The following ZNF385B variants were observed in gnomAD, a reference collection of about 807,000 sequenced individuals.
ZNF385B encodes zinc finger protein 533.
A neutral mutation model predicts 39.2 loss-of-function variants in ZNF385B; 23 were observed. That is an observed-to-expected ratio of 0.59 (90% confidence interval 0.42 to 0.83). The LOEUF (loss-of-function observed/expected upper bound fraction) is 0.83. Ranked by LOEUF, ZNF385B falls within the 40% of genes least tolerant of loss-of-function variation. ZNF385B has a pLI of 0.00. For synonymous variants in ZNF385B, 205 were observed against 222.6 expected (o/e 0.92, Z 0.70); for missense variants, 552 against 598.9 (o/e 0.92, Z 0.82).
chr2:179,668,185 T>C (rs993745432), intron 3 of ZNF385B, among the ~76,000 whole-genome samples: 1 of 152,228 alleles, frequency 6.6e-6, no homozygotes, highest in Non-Finnish European at 1.5e-5. Context: ...TCTACAACCT[T>C]CTATATATAA....
chr2:179,755,581 GTC>G (rs1702962172), intron 3 of ZNF385B, among the ~76,000 whole-genome samples: 1 of 152,110 alleles, frequency 6.6e-6, no homozygotes, highest in Admixed American at 6.5e-5. Flanking sequence ...CTCTTTGTAG[GTC>G]TCTAAGGACT....
intron 1 of ZNF385B, among the ~76,000 whole-genome samples, chr2:179,792,375 C>CTTTTTTTTTTTTTTTTTTTTTTTT (rs374147864): frequency 1.3e-4 from 16 of 124,122 alleles, no homozygotes; most frequent in Non-Finnish European, 2.1e-4. Flanking sequence ...ATTTTCTTTT[C>CTTTTTTTTTTTTTTTTTTTTTTTT]TTTTTTTTTT....
chr2:179,662,980 C>G (rs541831633), intron 3 of ZNF385B, among the ~76,000 whole-genome samples: 8 of 152,226 alleles, frequency 5.3e-5, no homozygotes, highest in Admixed American at 5.2e-4. Context: ...TTTTCCTCTT[C>G]TCTCCTTACT....
At chr2:179,712,811 T>G (rs1265703492) in intron 3 of ZNF385B, among the ~76,000 whole-genome samples, 1 of 152,242 alleles carries the variant, frequency 6.6e-6, no homozygotes, top group East Asian at 1.9e-4. Flanking sequence ...CAATCCATTG[T>G]GTAGACAGTC....
intron 3 of ZNF385B, among the ~76,000 whole-genome samples, chr2:179,760,323 C>G (rs1703305541): frequency 6.6e-6 from 1 of 151,666 alleles, no homozygotes; most frequent in African/African-American, 2.4e-5. Context: ...GTACCCATAT[C>G]TACTTCCTTC....
chr2:179,647,240 T>G lies in ZNF385B; in HGVS notation c.299-102271A>C, dbSNP rs1470633704. The stretch of plus-strand genomic sequence containing the variant: ...TTGTCACTATACTATCTGGGAACTC[T>G]CAAATTCCCTGAGCCCTGAAGTTCC... On this transcript the variant is annotated intron_variant, in intron 3 of 9. Transcript: ENST00000410066. Among the ~76,000 whole-genome samples the G allele has an allele frequency of 3.3e-5, 5 of 152,042 alleles. No individual in the cohort carries two copies. The East Asian group carries it at 9.6e-4, about 29-fold the overall frequency.
intron 5 of ZNF385B, among the ~76,000 whole-genome samples, chr2:179,505,330 A>AT (rs1156741796): frequency 6.6e-6 from 1 of 152,096 alleles, no homozygotes; most frequent in African/African-American, 2.4e-5. Flanking sequence ...GATTGTTAGT[A>AT]TTTTTAGTTT....
At chr2:179,718,187 T>C (rs1700452635) in intron 3 of ZNF385B, among the ~76,000 whole-genome samples, 1 of 151,934 alleles carries the variant, frequency 6.6e-6, no homozygotes, top group African/African-American at 2.4e-5. Context: ...TTTACTACTA[T>C]TGCAAAGGAT....
chr2:179,854,609 G>A (rs1038878279), intron 1 of ZNF385B, among the ~76,000 whole-genome samples: 3 of 152,098 alleles, frequency 2.0e-5, no homozygotes, highest in African/African-American at 7.2e-5. Context: ...GCCTCCAGAC[G>A]ATGAAAACCT....
At chr2:179,702,998 G>T (rs1218175443) in intron 3 of ZNF385B, among the ~76,000 whole-genome samples, 1 of 152,240 alleles carries the variant, frequency 6.6e-6, no homozygotes, top group African/African-American at 2.4e-5. Context: ...CTGTCTGAAT[G>T]ATTGCAACAG....
chr2:179,517,710 A>G (rs1468912767), intron 5 of ZNF385B, among the ~76,000 whole-genome samples: 1 of 152,124 alleles, frequency 6.6e-6, no homozygotes, highest in African/African-American at 2.4e-5. Flanking sequence ...TCGGATTCTG[A>G]TTTACATCGG....
chr2:179,816,872 C>A (rs185363777), intron 1 of ZNF385B, among the ~76,000 whole-genome samples: 1 of 152,230 alleles, frequency 6.6e-6, no homozygotes, highest in Non-Finnish European at 1.5e-5. Context: ...ACCAACGGAC[C>A]AGTGTGGTTT....
At chr2:179,649,060 T>C (rs1692985659) in intron 3 of ZNF385B, among the ~76,000 whole-genome samples, 2 of 152,108 alleles carry the variant, frequency 1.3e-5, no homozygotes, top group Admixed American at 1.3e-4. Context: ...TGAGATCTGA[T>C]AGGATATAGT....
chr2:179,695,857 C>G (rs1698696815), intron 3 of ZNF385B, among the ~76,000 whole-genome samples: 3 of 152,014 alleles, frequency 2.0e-5, no homozygotes, highest in Admixed American at 1.3e-4. Context: ...AATCAACAGA[C>G]AAGTGAATAA....
chr2:179,585,339 T>C (rs1463271722), intron 3 of ZNF385B, among the ~76,000 whole-genome samples: 1 of 152,206 alleles, frequency 6.6e-6, no homozygotes, highest in African/African-American at 2.4e-5. Context: ...ACCTACCTCA[T>C]GGAATTTCTG....
chr2:179,582,207 T>C (rs1515311), intron 3 of ZNF385B, among the ~76,000 whole-genome samples: 31,883 of 152,098 alleles, frequency 0.21, 3,499 homozygotes, highest in Middle Eastern at 0.26. Context: ...TTATAGAAAA[T>C]TAGAACTGTG....
chr2:179,512,447 T>C (rs2057753456), intron 5 of ZNF385B, among the ~76,000 whole-genome samples: 1 of 152,236 alleles, frequency 6.6e-6, no homozygotes, highest in South Asian at 2.1e-4. Flanking sequence ...TTATTTGGGA[T>C]CTGCCAATTT....
intron 3 of ZNF385B, among the ~76,000 whole-genome samples, chr2:179,567,043 G>A (rs916274262): frequency 4.0e-5 from 6 of 151,508 alleles, no homozygotes; most frequent in South Asian, 4.1e-4. Context: ...CGCCTCCCGA[G>A]TAGCTGAGAT....
intron 1 of ZNF385B, among the ~76,000 whole-genome samples, chr2:179,825,719 C>T (rs546703091): frequency 6.6e-6 from 1 of 152,206 alleles, no homozygotes; most frequent in South Asian, 2.1e-4. Context: ...ACCTTTCTGC[C>T]TCTTGGAGTT....
Sources: gnomAD v4.1 joint callset for allele counts (sites outside exome capture counted in the v4.1 genomes callset) on GRCh38, gnomAD v4.1.1 for gene constraint, MANE v1.5 for transcripts, NCBI Gene and HGNC (gene_info 2026-07-23, HGNC 2026-07-21) for gene names.